DPP10: variants seen among roughly 807,000 people sequenced by gnomAD.
DPP10 encodes inactive dipeptidyl peptidase 10.
DPP10 carries 33 observed loss-of-function variants against 120.9 expected under a neutral mutation model. The ratio of observed to expected loss-of-function variants is 0.27; its 90% CI spans 0.21 to 0.37. The LOEUF (loss-of-function observed/expected upper bound fraction) is 0.37, where lower values mean the gene tolerates loss of function less well. DPP10 is among the 10% of genes least tolerant of loss of function. The pLI, the probability that DPP10 is intolerant of heterozygous loss-of-function variation, is 1.00. For missense variants in DPP10, 816 were observed against 942.8 expected (o/e 0.87, Z 1.76); for synonymous variants, 337 against 326.1 (o/e 1.03, Z -0.36).
At chr2:115,703,721 T>G (rs1048485503) in intron 7 of DPP10, among the ~76,000 whole-genome samples, 1 of 151,992 alleles carries the variant, frequency 6.6e-6, no homozygotes, top group Non-Finnish European at 1.5e-5. Context: ...ATCGACTAAA[T>G]ACCTCCACAG....
intron 3 of DPP10, among the ~76,000 whole-genome samples, chr2:115,424,681 AC>A (rs1322294489): frequency 6.6e-6 from 1 of 152,094 alleles, no homozygotes; most frequent in East Asian, 1.9e-4. Context: ...AAAATTGAGA[AC>A]CTTAAAATGC....
At chr2:115,689,064 G>A (rs2091167328) in intron 5 of DPP10, among the ~76,000 whole-genome samples, 2 of 152,296 alleles carry the variant, frequency 1.3e-5, no homozygotes, top group South Asian at 2.1e-4. Context: ...CAACATTCTA[G>A]TAGGAAAAGG....
chr2:114,747,996 C>A (rs963610821), intron 1 of DPP10, among the ~76,000 whole-genome samples: 2 of 152,200 alleles, frequency 1.3e-5, no homozygotes, highest in Admixed American at 6.5e-5. Flanking sequence ...TGAGAGTAAG[C>A]TCTTAAAATA....
intron 1 of DPP10, among the ~76,000 whole-genome samples, chr2:115,288,985 G>T (rs923955190): frequency 2.0e-5 from 3 of 152,032 alleles, no homozygotes; most frequent in African/African-American, 7.2e-5. Context: ...ATCCATATTG[G>T]AAAAGAGGAA....
At chr2:115,594,226 G>T (rs1010360309) in intron 5 of DPP10, among the ~76,000 whole-genome samples, 3 of 152,076 alleles carry the variant, frequency 2.0e-5, no homozygotes, top group African/African-American at 7.2e-5. Context: ...CTCTATTTAT[G>T]TCCTGTTAAA....
intron 1 of DPP10, among the ~76,000 whole-genome samples, chr2:114,848,705 T>C (rs1046987362): frequency 2.0e-5 from 3 of 152,180 alleles, no homozygotes; most frequent in Non-Finnish European, 2.9e-5. Flanking sequence ...TATCAGAGGT[T>C]TGTTTGATTC....
At chr2:115,625,616 A>G (rs1334418211) in intron 5 of DPP10, among the ~76,000 whole-genome samples, 1 of 152,152 alleles carries the variant, frequency 6.6e-6, no homozygotes, top group South Asian at 2.1e-4. Flanking sequence ...ACAAAAAATT[A>G]TATCTGGAAA....
Position 115,115,047 on chromosome 2 carries a change from C to T in DPP10, c.61-194192C>T, listed in dbSNP as rs564690079. 2.8e-4 allele frequency among the ~76,000 whole-genome samples: 42 copies of T among 151,924 alleles called. 1 individual carries two copies. In the South Asian group the frequency reaches 5.4e-3, roughly 20 times the overall value. ...CACTATGCTGGTTCATTGCCTAAGA[C>T]GGCACAGGTAGGCTTGTCTATGTGT... On this transcript the variant is annotated intron_variant, in intron 1 of 25. Coordinates refer to ENST00000410059, the MANE Select transcript of DPP10 (RefSeq NM_020868.6).
At chr2:115,616,619 T>G (rs1030278816) in intron 5 of DPP10, among the ~76,000 whole-genome samples, 1 of 152,136 alleles carries the variant, frequency 6.6e-6, no homozygotes, top group Non-Finnish European at 1.5e-5. Context: ...TAGTTTGTCT[T>G]GGTAGCTTTT....
At chr2:114,852,358 G>A (rs894582347) in intron 1 of DPP10, among the ~76,000 whole-genome samples, 5 of 151,494 alleles carry the variant, frequency 3.3e-5, no homozygotes, top group South Asian at 2.1e-4. Flanking sequence ...TTCTGTATCC[G>A]TGGGTTCAAC....
At chr2:114,477,162 T>C (rs1171973521) in intron 1 of DPP10, among the ~76,000 whole-genome samples, 1 of 151,874 alleles carries the variant, frequency 6.6e-6, no homozygotes, top group Non-Finnish European at 1.5e-5. Flanking sequence ...TTTCACCATG[T>C]TGGACAGGCA....
intron 1 of DPP10, among the ~76,000 whole-genome samples, chr2:114,767,207 C>CAAAAAAAAAAAAAAAA (rs5833559): frequency 3.0e-4 from 10 of 33,060 alleles, no homozygotes; most frequent in East Asian, 1.2e-3. Context: ...AGGATAAAAG[C>CAAAAAAAAAAAAAAAA]AAAAAAAAAA....
chr2:114,975,102 C>T (rs766418594), intron 1 of DPP10, among the ~76,000 whole-genome samples: 10 of 150,998 alleles, frequency 6.6e-5, no homozygotes, highest in Non-Finnish European at 1.0e-4. Context: ...TGCAATGGCG[C>T]GATCTCAGCT....
At chr2:115,590,210 C>T (rs7570169) in intron 5 of DPP10, among the ~76,000 whole-genome samples, 19,193 of 148,632 alleles carry the variant, frequency 0.13, 1,743 homozygotes, top group African/African-American at 0.27. Context: ...GGTACATGTG[C>T]ACAACGTGCA....
At chr2:115,359,906 T>C (rs1435796105) in intron 3 of DPP10, among the ~76,000 whole-genome samples, 1 of 152,180 alleles carries the variant, frequency 6.6e-6, no homozygotes, top group African/African-American at 2.4e-5. Context: ...ATTCTATTTT[T>C]AATGCTTCTA....
chr2:115,140,856 G>A (rs1445998351), intron 1 of DPP10, among the ~76,000 whole-genome samples: 1 of 151,704 alleles, frequency 6.6e-6, no homozygotes, highest in Non-Finnish European at 1.5e-5. Context: ...GTCCATTTGG[G>A]GGCCATAATT....
intron 1 of DPP10, among the ~76,000 whole-genome samples, chr2:114,902,287 T>C (rs1260071485): frequency 1.3e-5 from 2 of 152,228 alleles, no homozygotes; most frequent in Admixed American, 1.3e-4. Context: ...TTTCATTTTT[T>C]TCAAATGGAT....
At chr2:115,561,419 G>C (rs1009226469) in intron 5 of DPP10, among the ~76,000 whole-genome samples, 1 of 150,620 alleles carries the variant, frequency 6.6e-6, no homozygotes, top group Non-Finnish European at 1.5e-5. Flanking sequence ...ACCCATTGCG[G>C]TGTTATCACG....
intron 1 of DPP10, among the ~76,000 whole-genome samples, chr2:114,801,280 G>GAAA (rs1165763409): frequency 3.2e-5 from 2 of 62,844 alleles, no homozygotes. Flanking sequence ...AAAAAAAAAA[G>GAAA]AAAAAAAGAA....
Sources: gnomAD v4.1 joint callset for allele counts (sites outside exome capture counted in the v4.1 genomes callset) on GRCh38, gnomAD v4.1.1 for gene constraint, MANE v1.5 for transcripts, NCBI Gene and HGNC (gene_info 2026-07-23, HGNC 2026-07-21) for gene names.